The following ANKRD30A variants were observed in gnomAD, a reference collection of about 807,000 sequenced individuals.
ANKRD30A encodes ankyrin repeat domain 30A.
Under a neutral mutation model 166.3 loss-of-function variants are expected in ANKRD30A, and 170 were observed. The ratio of observed to expected loss-of-function variants is 1.02; its 90% confidence interval spans 0.90 to 1.16. The LOEUF (loss-of-function observed/expected upper bound fraction) is 1.16. ANKRD30A is among the 50% of genes most tolerant of loss of function. The pLI is 0.00. For synonymous variants in ANKRD30A, 564 were observed against 508.9 expected, an observed-to-expected ratio of 1.11 and a Z score of -1.46; for missense variants, 1,630 against 1,518.0, an observed-to-expected ratio of 1.07 and a Z score of -1.23.
At chr10:37,184,137 G>T (rs1840246070) in intron 24 of ANKRD30A, among the ~76,000 whole-genome samples, 1 of 149,520 alleles carries the variant, frequency 6.7e-6, no homozygotes, top group South Asian at 2.2e-4. Context: ...TGGATAGAAG[G>T]TCAAGACATA....
chr10:37,204,454 T>C (rs1841854705), intron 31 of ANKRD30A, among the ~76,000 whole-genome samples: 1 of 152,254 alleles, frequency 6.6e-6, no homozygotes, highest in South Asian at 2.1e-4. Context: ...TTACAACTTA[T>C]ACAAAAATTA....
chr10:37,150,417 T>C (rs1804929725), intron 11 of ANKRD30A, among the ~76,000 whole-genome samples: 1 of 152,044 alleles, frequency 6.6e-6, no homozygotes, highest in Non-Finnish European at 1.5e-5. Flanking sequence ...AGTCATTTCT[T>C]TGTGAATATT....
intron 34 of ANKRD30A, among the ~76,000 whole-genome samples, chr10:37,229,242 G>T (rs1843305453): frequency 6.6e-6 from 1 of 151,786 alleles, no homozygotes; most frequent in Non-Finnish European, 1.5e-5. Flanking sequence ...GCTTGCCCTT[G>T]GTACCCCCTT....
chr10:37,139,608 A>G (rs1399297682), intron 6 of ANKRD30A, among the ~76,000 whole-genome samples: 1 of 152,242 alleles, frequency 6.6e-6, no homozygotes, highest in Non-Finnish European at 1.5e-5. Flanking sequence ...GACTTTTACA[A>G]AACCCTCTGG....
intron 31 of ANKRD30A, among the ~76,000 whole-genome samples, chr10:37,202,175 G>A (rs531699540): frequency 6.6e-6 from 1 of 152,174 alleles, no homozygotes; most frequent in African/African-American, 2.4e-5. Context: ...TTTTATTTTT[G>A]AGTATGTTTT....
At chr10:37,256,547 A>G in the ANKRD30A span, among the ~76,000 whole-genome samples, 5 of 152,250 alleles carry the variant, frequency 3.3e-5, no homozygotes, top group Non-Finnish European at 5.9e-5. Context: ...TCCAGTTCCC[A>G]TAATAGTACC....
At chr10:37,232,693 T>TATATATATATATATATATATATATAA (rs1491500759), downstream of ANKRD30A, 18 of 9,112 alleles carry the variant, frequency 2.0e-3, no homozygotes, top group Non-Finnish European at 4.2e-3. Flanking sequence ...TATATATATA[T>TATATATATATATATATATATATATAA]AAATAGAGAG....
At chr10:37,179,449 C>G (rs1339966305) in intron 24 of ANKRD30A, among the ~76,000 whole-genome samples, 20 of 151,126 alleles carry the variant, frequency 1.3e-4, no homozygotes, top group African/African-American at 1.7e-4. Context: ...ATTGAGATGA[C>G]TAAGCTAGAA....
At chr10:37,228,538 T>C (rs1011030480) in intron 34 of ANKRD30A, among the ~76,000 whole-genome samples, 1 of 152,054 alleles carries the variant, frequency 6.6e-6, no homozygotes, top group African/African-American at 2.4e-5. Context: ...AGATAACATC[T>C]GATTTTGATT....
chr10:37,207,526 ATACT>A (rs540260843), intron 31 of ANKRD30A, among the ~76,000 whole-genome samples: 24 of 151,912 alleles, frequency 1.6e-4, no homozygotes, highest in Admixed American at 9.8e-4. Context: ...AAATAGTTAC[ATACT>A]TACTTTTTGT....
At chr10:37,239,507 C>T in the ANKRD30A span, among the ~76,000 whole-genome samples, 26 of 151,948 alleles carry the variant, frequency 1.7e-4, no homozygotes, top group Non-Finnish European at 3.1e-4. Flanking sequence ...ATAGAACATA[C>T]ATTGAAATGT....
chr10:37,140,204 A>G (rs1377480843), intron 6 of ANKRD30A, among the ~76,000 whole-genome samples: 1 of 152,206 alleles, frequency 6.6e-6, no homozygotes, highest in African/African-American at 2.4e-5. Context: ...TTGTCTTGCT[A>G]TCTTGCAGTG....
intron 17 of ANKRD30A, 143 bp from the exon 18 acceptor site, chr10:37,164,951 T>A: frequency 1.3e-6 from 1 of 788,162 alleles, no homozygotes; most frequent in Non-Finnish European, 2.1e-6. Context: ...ACTATAGAAG[T>A]AGTCATTGTA....
intron 34 of ANKRD30A, among the ~76,000 whole-genome samples, chr10:37,221,633 A>G (rs2132749673): frequency 6.6e-6 from 1 of 151,448 alleles, no homozygotes; most frequent in African/African-American, 2.4e-5. Flanking sequence ...TATTTTTAAA[A>G]CTGTGGCTGT....
At chr10:37,231,958 G>A (rs993008555) in intron 35 of ANKRD30A, among the ~76,000 whole-genome samples, 6 of 151,886 alleles carry the variant, frequency 4.0e-5, no homozygotes, top group Non-Finnish European at 8.8e-5. Context: ...TTTTAGAAAG[G>A]GAATATTATT....
chr10:37,191,868 G>T (rs1481490001), intron 25 of ANKRD30A, among the ~76,000 whole-genome samples: 1 of 151,924 alleles, frequency 6.6e-6, no homozygotes, highest in South Asian at 2.1e-4. Flanking sequence ...GGTGGTGGGT[G>T]CCTGTAGTCC....
At position 37,162,685 on chromosome 10, in the gene ANKRD30A, G is replaced by A. The variant is rs1839020860; in HGVS notation, c.1929+8G>A. ...AAGCCATCTGCCTTCGAGGTATTTA[G>A]TTTTATGATTTCATTTTGAATGACT... On this transcript the variant is annotated splice_region_variant and intron_variant, in intron 16 of 35. Transcript: ENST00000361713. 1 of 1,612,650 alleles carries A rather than the reference G, an allele frequency of 6.2e-7. No individual in the cohort carries two copies. Among genetic ancestry groups the A allele is most frequent in the Non-Finnish European group, 8.5e-7 (1 of 1,179,756 alleles).
chr10:37,165,102 C>A lies in ANKRD30A; in HGVS notation c.2011C>A (p.Leu671Ile), dbSNP rs773382666. 1 of 1,607,948 alleles carries A rather than the reference C, an allele frequency of 6.2e-7. No individual in the cohort carries two copies. The highest frequency in any genetic ancestry group is 1.7e-4 in the Middle Eastern group (1 of 6,030). ...TGATTAACCTTTTATAGATGAGATACTCCCATCAGAATCCAAACAAAAGGA... is the reference window on the plus strand; with the variant it reads ...TGATTAACCTTTTATAGATGAGATAATCCCATCAGAATCCAAACAAAAGGA... ...NEQTLRADEI[L>I]PSESKQKDYE... The change falls in exon 18 of 36, where the codon CTC (leucine) becomes ATC (isoleucine). Residue 671 changes from leucine to isoleucine, a missense_variant. Physicochemically the swap from Leu to Ile is conservative, Grantham distance 5 (BLOSUM62 2). Around this residue, in one of 4 missense-constraint regions of ANKRD30A, gnomAD observed 904 missense variants for 818.5 expected, o/e 1.10. Coordinates refer to ENST00000361713, the MANE Select transcript of ANKRD30A (RefSeq NM_052997.3).
chr10:37,233,403 G>GT (rs1474926689), downstream of ANKRD30A, among the ~76,000 whole-genome samples: 8 of 152,088 alleles, frequency 5.3e-5, no homozygotes, highest in East Asian at 1.9e-4. Flanking sequence ...TTTCTTATCT[G>GT]TTTTTTTCCA....
Sources: allele counts gnomAD v4.1 joint callset (sites outside exome capture counted in the v4.1 genomes callset), GRCh38; gene constraint gnomAD v4.1.1; regional missense constraint gnomAD v4.1.1; transcripts MANE v1.5; gene names NCBI Gene and HGNC (gene_info 2026-07-23, HGNC 2026-07-21).